The following XKR9 variants were observed in gnomAD, a reference collection of about 807,000 sequenced individuals.
The protein encoded by XKR9 is XK related 9.
In XKR9, 32 loss-of-function variants were observed where a neutral mutation model predicts 32.0. The ratio of observed to expected loss-of-function variants is 1.00; its 90% CI spans 0.76 to 1.34. The LOEUF (loss-of-function observed/expected upper bound fraction) is 1.34. Among genes scored for constraint, XKR9 ranks in the 40% most tolerant of loss-of-function variants. The pLI is 0.00. For synonymous variants in XKR9, 168 were observed against 143.4 expected (o/e 1.17, Z -1.22); for missense variants, 546 against 429.7 (o/e 1.27, Z -2.39).
chr8:70,751,668 C>T (rs1406401390), intron 2 of XKR9, among the ~76,000 whole-genome samples: 1 of 152,170 alleles, frequency 6.6e-6, no homozygotes, highest in Non-Finnish European at 1.5e-5. Context: ...TGAGCTGAGA[C>T]ATCTACCTCC....
chr8:70,930,578 GA>G, the XKR9 span, among the ~76,000 whole-genome samples: 6 of 152,080 alleles, frequency 3.9e-5, no homozygotes, highest in African/African-American at 1.4e-4. Flanking sequence ...TTCTAAACCA[GA>G]AAAAAATTAT....
chr8:70,985,491 A>G, the XKR9 span, among the ~76,000 whole-genome samples: 1 of 152,224 alleles, frequency 6.6e-6, no homozygotes, highest in African/African-American at 2.4e-5. Flanking sequence ...CATCATCACA[A>G]TGCACTTTAG....
chr8:70,708,276 C>T (rs1264906142), intron 4 of XKR9, among the ~76,000 whole-genome samples: 1 of 152,008 alleles, frequency 6.6e-6, no homozygotes, highest in Non-Finnish European at 1.5e-5. Context: ...TTAGATCTTA[C>T]AGCCTGTATT....
the XKR9 span, among the ~76,000 whole-genome samples, chr8:70,934,844 A>G: frequency 6.6e-6 from 1 of 151,900 alleles, no homozygotes; most frequent in South Asian, 2.1e-4. Flanking sequence ...TTTATTTCAT[A>G]GAGGTTTTAT....
At chr8:70,861,033 C>CT in the XKR9 span, among the ~76,000 whole-genome samples, 3 of 152,058 alleles carry the variant, frequency 2.0e-5, no homozygotes, top group Non-Finnish European at 4.4e-5. Flanking sequence ...CCTTGAATGT[C>CT]TTTTTTTCTT....
chr8:70,845,246 G>A, the XKR9 span, among the ~76,000 whole-genome samples: 1 of 152,170 alleles, frequency 6.6e-6, no homozygotes, highest in African/African-American at 2.4e-5. Context: ...AAGCTAAAGT[G>A]TCCTACCCAA....
chr8:70,890,199 T>C, the XKR9 span, among the ~76,000 whole-genome samples: 1 of 152,014 alleles, frequency 6.6e-6, no homozygotes, highest in Non-Finnish European at 1.5e-5. Context: ...TTCATATGTT[T>C]GTTGGGGTGT....
the XKR9 span, among the ~76,000 whole-genome samples, chr8:70,905,553 G>T: frequency 1.6e-3 from 237 of 152,204 alleles, 1 homozygote; most frequent in African/African-American, 5.5e-3. Flanking sequence ...GCTTCCTTGT[G>T]ATGAGTTCAG....
the XKR9 span, among the ~76,000 whole-genome samples, chr8:70,995,189 G>A: frequency 3.3e-5 from 5 of 152,130 alleles, no homozygotes; most frequent in African/African-American, 9.7e-5. Context: ...CTGAGAGAAA[G>A]GAAGCAAATA....
At chr8:70,839,976 C>T in the XKR9 span, among the ~76,000 whole-genome samples, 5 of 152,160 alleles carry the variant, frequency 3.3e-5, no homozygotes, top group Admixed American at 3.3e-4. Context: ...ATTATCTCAT[C>T]TCTCCATTTC....
the XKR9 span, among the ~76,000 whole-genome samples, chr8:70,979,232 C>T: frequency 6.6e-6 from 1 of 152,204 alleles, no homozygotes; most frequent in Admixed American, 6.5e-5. Flanking sequence ...CTGAAGCCTA[C>T]TTCTGTCAAC....
chr8:70,860,537 A>G, the XKR9 span, among the ~76,000 whole-genome samples: 1 of 152,224 alleles, frequency 6.6e-6, no homozygotes, highest in East Asian at 1.9e-4. Context: ...AACTTAATTT[A>G]TAATATTCAT....
intron 2 of XKR9, among the ~76,000 whole-genome samples, chr8:70,679,971 A>G (rs1232179643): frequency 6.6e-6 from 1 of 152,058 alleles, no homozygotes; most frequent in African/African-American, 2.4e-5. Flanking sequence ...AAAAAATTAT[A>G]TACCTAACAA....
chr8:71,033,082 C>CAA, the XKR9 span, among the ~76,000 whole-genome samples: 1,042 of 115,330 alleles, frequency 9.0e-3, 9 homozygotes, highest in African/African-American at 0.027. Flanking sequence ...GATTACATCT[C>CAA]AAAAAAAAAA....
intron 3 of XKR9, among the ~76,000 whole-genome samples, chr8:70,688,712 G>A (rs954920894): frequency 3.1e-5 from 4 of 129,506 alleles, no homozygotes; most frequent in African/African-American, 1.1e-4. Flanking sequence ...CACTGTGCCT[G>A]TCCTTTTTTT....
At chr8:70,784,618 A>G (rs998368089) in intron 2 of XKR9, among the ~76,000 whole-genome samples, 6 of 151,782 alleles carry the variant, frequency 4.0e-5, no homozygotes, top group Non-Finnish European at 7.4e-5. Context: ...AGGGTTTTCT[A>G]TATATAAGAT....
chr8:71,020,873 A>G, the XKR9 span, among the ~76,000 whole-genome samples: 2 of 152,184 alleles, frequency 1.3e-5, no homozygotes, highest in African/African-American at 4.8e-5. Context: ...ATCTAACTGT[A>G]TATTAGTACC....
At chr8:70,824,348 G>A in the XKR9 span, among the ~76,000 whole-genome samples, 1 of 152,100 alleles carries the variant, frequency 6.6e-6, no homozygotes, top group African/African-American at 2.4e-5. Context: ...TGTAGTATAA[G>A]TTAAGGCCTA....
chr8:70,680,961 CA>C lies in XKR9; in HGVS notation c.-96del, dbSNP rs1414608315. On this transcript the variant is annotated 5_prime_UTR_variant, in exon 3 of 5. It adds an upstream start codon to the 5' untranslated region. Transcript: ENST00000408926. ...GATTTAGGGAGTAGAAATTAAAATT[CA>C]ATGCTATACCAAAGGGTATACTAAT... The C allele has an allele frequency of 9.0e-7, 1 of 1,116,898 alleles. No individual in the cohort carries two copies. Among genetic ancestry groups the C allele is most frequent in the Non-Finnish European group, 1.3e-6 (1 of 796,668 alleles). The allele number at this position is 1,116,898 out of a possible 1,614,324, so 69.2% of individuals were successfully genotyped here.
Sources: allele counts gnomAD v4.1 joint callset (sites outside exome capture counted in the v4.1 genomes callset), GRCh38; gene constraint gnomAD v4.1.1; transcripts MANE v1.5; gene names NCBI Gene and HGNC (gene_info 2026-07-23, HGNC 2026-07-21).